The following PTPRH variants were observed in gnomAD, a reference collection of about 807,000 sequenced individuals.
PTPRH encodes receptor-type tyrosine-protein phosphatase H.
Under a neutral mutation model 130.2 loss-of-function variants are expected in PTPRH, and 113 were observed. The observed-to-expected ratio is 0.87, with a 90% CI of 0.75 to 1.01. The LOEUF is 1.01. PTPRH is among the 50% of genes least tolerant of loss of function. The pLI is 0.00. For synonymous variants in PTPRH, 556 were observed against 577.9 expected, an observed-to-expected ratio of 0.96 and a Z score of 0.54; for missense variants, 1,430 against 1,425.0, an observed-to-expected ratio of 1.00 and a Z score of -0.06.
At chr19:55,187,369 G>GA (rs796449875) in intron 14 of PTPRH, 144 bp downstream of exon 14, 11,445 of 247,148 alleles carry the variant, frequency 0.046, 3 homozygotes, top group East Asian at 0.056. Context: ...AAGAAAAAAA[G>GA]AAAAAAAAAA....
At chr19:55,182,199 G>A (rs1447994776) in intron 18 of PTPRH, 48 bp from the exon 19 acceptor site, 2 of 1,592,404 alleles carry the variant, frequency 1.3e-6, no homozygotes, top group Non-Finnish European at 1.7e-6. Context: ...GAGTGTGAGG[G>A]TCCGGGGTCA....
chr19:55,195,892 C>G (rs909332767), intron 10 of PTPRH, among the ~76,000 whole-genome samples: 1 of 151,700 alleles, frequency 6.6e-6, no homozygotes, highest in African/African-American at 2.4e-5. Flanking sequence ...TTTAATGAAA[C>G]GTCCCAGAGA....
In PTPRH at chr19:55,198,905, G is replaced by T. The variant is rs200235263; in HGVS notation, c.1428C>A (p.Asn476Lys). 12 of 1,514,180 alleles carry T rather than the reference G, an allele frequency of 7.9e-6. No individual in the cohort carries two copies. The highest frequency in any genetic ancestry group is 2.3e-5 in the East Asian group (1 of 43,274). 93.8% of individuals were successfully genotyped at this position (1,514,180 alleles called of 1,614,324 possible). A position where few individuals can be genotyped will look rare whatever the true frequency, so the allele number is the denominator to read the frequency against. ...RQNVSISTVP[N>K]AVTSLSKQDW... ...CCTGCTTGCTGAGGCTTGTCACTGC[G>T]TTGGGGACTGGGAGAGGGAGCAGAG... The change falls in exon 8 of 20, where the codon AAC becomes AAA. Residue 476 changes from asparagine to lysine, a missense_variant. Asn to Lys is a moderately conservative substitution (Grantham distance 94). Transcript: ENST00000376350.
At position 55,186,054 on chromosome 19, in the gene PTPRH, C is replaced by G. The variant is rs566075201; in HGVS notation, c.2779-70G>C. 4.0e-5 allele frequency: 65 copies of G among 1,608,266 alleles called. 1 individual carries two copies. In the South Asian group the frequency reaches 6.7e-4, roughly 17 times the overall value. The stretch of plus-strand genomic sequence containing the variant: ...GGTCTGTGGGGTCTGCTTTAGGCCC[C>G]AAATGTGAACCAGCAGATGGGCTGG... On this transcript the variant is annotated intron_variant, in intron 16 of 19. Transcript: ENST00000376350.
At chr19:55,184,441 A>T (rs1056134787) in intron 18 of PTPRH, among the ~76,000 whole-genome samples, 1 of 152,148 alleles carries the variant, frequency 6.6e-6, no homozygotes, top group Non-Finnish European at 1.5e-5. Flanking sequence ...ACTCTTCCTC[A>T]TCTCCCTAAT....
intron 18 of PTPRH, among the ~76,000 whole-genome samples, chr19:55,183,135 C>T (rs1447111903): frequency 1.3e-5 from 2 of 148,844 alleles, no homozygotes; most frequent in East Asian, 4.1e-4. Flanking sequence ...GTGGCTCACG[C>T]CTGTAATCCC....
rs377501245 is a variant in PTPRH at position 55,197,302 on chromosome 19, C to T, written c.1805G>A (p.Trp602Ter). ...CCTCCGGGGATGTCCCTTGCTGGCC[C>T]ACTGGACCCAGTATACGTACAACTG... Reference protein sequence around the residue: ...HSQLYVYWVQWASKGHPRRGQ... With the variant: ...HSQLYVYWVQ The change falls in exon 9 of 20, where the codon TGG (tryptophan) becomes TAG (stop). Residue 602 changes from tryptophan to a stop codon, truncating the protein, a stop_gained. Transcript: ENST00000376350. LOFTEE classifies it high-confidence loss of function. 3 of 1,614,264 alleles carry T rather than the reference C, an allele frequency of 1.9e-6. No homozygotes were observed. The highest frequency in any genetic ancestry group is 2.7e-5 in the African/African-American group (2 of 75,078).
At chr19:55,192,550 T>C (rs975089506) in intron 10 of PTPRH, among the ~76,000 whole-genome samples, 1 of 151,896 alleles carries the variant, frequency 6.6e-6, no homozygotes, top group Non-Finnish European at 1.5e-5. Flanking sequence ...GTGCAGATTT[T>C]TTTTTCTTTT....
chr19:55,194,173 T>G, intron 10 of PTPRH: 1 of 1,289,046 alleles, frequency 7.8e-7, no homozygotes, highest in Non-Finnish European at 1.0e-6. Flanking sequence ...CTATGGGTGC[T>G]CTCAGGCTCT....
intron 4 of PTPRH, 120 bp from the exon 5 acceptor site, chr19:55,204,168 G>A: frequency 8.9e-7 from 1 of 1,122,850 alleles, no homozygotes; most frequent in Non-Finnish European, 1.2e-6. Context: ...CATCCAGGCT[G>A]GAGTGCAGTG....
chr19:55,191,791 C>A, intron 10 of PTPRH, 50 bp from the exon 11 acceptor site: 2 of 1,482,662 alleles, frequency 1.3e-6, no homozygotes, highest in South Asian at 2.3e-5. Context: ...CTGAGCTGCT[C>A]ATCTGTCTCC....
intron 10 of PTPRH, 47 bp from the exon 11 acceptor site, chr19:55,191,788 G>C: frequency 6.6e-7 from 1 of 1,505,080 alleles, no homozygotes; most frequent in Non-Finnish European, 9.2e-7. Flanking sequence ...GGTCTGAGCT[G>C]CTCATCTGTC....
chr19:55,188,278 C>T (rs3803904), intron 12 of PTPRH, 110 bp from the exon 13 acceptor site: 149,605 of 825,748 alleles, frequency 0.18, 16,974 homozygotes, highest in Admixed American at 0.42. Flanking sequence ...TTTGGGAGGC[C>T]GAGGCGGGTG....
intron 18 of PTPRH, among the ~76,000 whole-genome samples, chr19:55,183,109 T>C (rs1033751591): frequency 6.9e-6 from 1 of 145,502 alleles, no homozygotes; most frequent in African/African-American, 2.5e-5. Context: ...AAATTAGCTA[T>C]TTTAGGCTGG....
At position 55,185,644 on chromosome 19, in the gene PTPRH, G is replaced by A. The variant is rs781143505; in HGVS notation, c.2920C>T (p.Leu974=). The A allele has an allele frequency of 6.2e-7, 1 of 1,614,046 alleles. No homozygotes were observed. The highest frequency in any genetic ancestry group is 8.5e-7 in the Non-Finnish European group (1 of 1,180,008). The change falls in exon 18 of 20, where the codon CTG becomes TTG. Residue 974 remains leucine, a synonymous_variant. Transcript: ENST00000376350. ...TGGTAGTGGAATTGGCGCACAGACAGTGTCTTCTGCTCCTCCACCTGGAAG... is the reference window on the plus strand; with the variant it reads ...TGGTAGTGGAATTGGCGCACAGACAATGTCTTCTGCTCCTCCACCTGGAAG... ...LLLQVEEQKT[L]SVRQFHYQAW...
intron 6 of PTPRH, among the ~76,000 whole-genome samples, chr19:55,200,846 G>A (rs986721689): frequency 1.3e-5 from 2 of 152,162 alleles, no homozygotes; most frequent in Non-Finnish European, 1.5e-5. Flanking sequence ...GGGAGGCTGA[G>A]GCAGGAGAAT....
rs540093025 is a variant in PTPRH at position 55,198,414 on chromosome 19, C to T, written c.1690+229G>A. Among the ~76,000 whole-genome samples, 3 of 152,240 alleles carry T rather than the reference C, an allele frequency of 2.0e-5. No individual in the cohort carries two copies. In the South Asian group the frequency reaches 6.2e-4, roughly 32 times the overall value. On this transcript the variant is annotated intron_variant, in intron 8 of 19. Transcript: ENST00000376350. ...GACAATTGAGGGCTCCCCCTGACCC[C>T]AAAGAGTCCATTTCCCAAAGGGAGA...
chr19:55,200,768 C>T (rs1451919331), intron 6 of PTPRH, among the ~76,000 whole-genome samples: 1 of 151,496 alleles, frequency 6.6e-6, no homozygotes, highest in Non-Finnish European at 1.5e-5. Context: ...CACGGTGAAA[C>T]CTGTCTCTAC....
chr19:55,196,725 A>G lies in PTPRH; in HGVS notation c.2054T>C (p.Ile685Thr). ...STSAGYGVNLIWSCPQGGYEA... is the reference protein window; with the variant it reads ...STSAGYGVNLTWSCPQGGYEA... ...GTAGCCTCCCTGGGGGCAGGACCAG[A>G]TCAAGTTGACTCCATAGCCCGCTGA... Residue 685 changes from isoleucine to threonine, a missense_variant, in exon 10 of 20, where the codon ATC becomes ACC. Physicochemically the swap from Ile to Thr is moderately conservative, Grantham distance 89 (BLOSUM62 -1). Transcript: ENST00000376350. 6.2e-7 allele frequency: 1 copy of G among 1,614,104 alleles called. No individual in the cohort carries two copies. Among genetic ancestry groups the G allele is most frequent in the South Asian group, 1.1e-5 (1 of 91,074 alleles).
Sources: allele counts gnomAD v4.1 joint callset (sites outside exome capture counted in the v4.1 genomes callset), GRCh38; gene constraint gnomAD v4.1.1; transcripts MANE v1.5; gene names NCBI Gene and HGNC (gene_info 2026-07-23, HGNC 2026-07-21).